TCF20: variants seen among roughly 807,000 people sequenced by gnomAD.
TCF20 encodes transcription factor 20.
In TCF20, 3 loss-of-function variants were observed where a neutral mutation model predicts 148.6. The observed-to-expected ratio is 0.02, with a 90% CI of 0.01 to 0.05. The LOEUF (loss-of-function observed/expected upper bound fraction) is 0.05. TCF20 is among the 10% of genes least tolerant of loss of function. TCF20 has a pLI of 1.00. For missense variants in TCF20, 2,350 were observed against 2,429.3 expected (o/e 0.97, Z 0.69); for synonymous variants, 1,049 against 909.5 (o/e 1.15, Z -2.76).
Position 42,297,960 on chromosome 22 carries a change from G to A in TCF20, c.-37+45519C>T, listed in dbSNP as rs896478157. The stretch of plus-strand genomic sequence containing the variant: ...TGGGCCTGGGGGTGCAAAGGTGACC[G>A]CTCAGCCCAGCTGCTCACATCTGTA... On this transcript the variant is annotated intron_variant, in intron 1 of 1. Coordinates refer to the TCF20 transcript ENST00000515426. The surrounding 1 kb of genome is among the most constrained non-coding windows in gnomAD (Gnocchi z 4.3). Among the ~76,000 whole-genome samples the A allele has an allele frequency of 2.0e-5, 3 of 152,186 alleles. No homozygotes were observed. The highest frequency in any genetic ancestry group is 1.9e-4 in the East Asian group (1 of 5,190).
chr22:42,202,041 C>T (rs1004219174), intron 2 of TCF20, among the ~76,000 whole-genome samples: 1 of 152,116 alleles, frequency 6.6e-6, no homozygotes, highest in Non-Finnish European at 1.5e-5. Flanking sequence ...CCCTTCCCCC[C>T]GCAGCAAACT....
rs745974078 is a variant in TCF20, at chr22:42,213,626, C to T, written c.1680G>A (p.Pro560=). The part of the protein sequence containing the change: ...GGASEKAGSS[P]AQGAQNEPPR... ...GGGGTTCATTCTGAGCACCTTGTGC[C>T]GGTGAGGAGCCAGCTTTCTCAGAGG... The change falls in exon 2 of 6, where the codon CCG becomes CCA. Residue 560 remains proline, a synonymous_variant. Coordinates refer to ENST00000677622, the MANE Select transcript of TCF20 (RefSeq NM_001378418.1). The T allele has an allele frequency of 1.9e-5, 30 of 1,613,940 alleles. No individual in the cohort carries two copies. Among genetic ancestry groups the T allele is most frequent in the South Asian group, 9.9e-5 (9 of 91,088 alleles).
intron 1 of TCF20, among the ~76,000 whole-genome samples, chr22:42,248,249 T>C (rs898954232): frequency 6.6e-6 from 1 of 152,218 alleles, no homozygotes; most frequent in African/African-American, 2.4e-5. Flanking sequence ...CCACATGGTG[T>C]ACATTTTTAC....
intron 1 of TCF20, among the ~76,000 whole-genome samples, chr22:42,307,118 T>C (rs1927449549): frequency 6.9e-6 from 1 of 145,836 alleles, no homozygotes. Flanking sequence ...CTGGTGGCAA[T>C]GGTGGGCTCT....
At chr22:42,266,977 A>C (rs940946419) in intron 1 of TCF20, among the ~76,000 whole-genome samples, 2 of 150,746 alleles carry the variant, frequency 1.3e-5, no homozygotes, top group Non-Finnish European at 2.9e-5. Flanking sequence ...ATAACTGCTT[A>C]CAATTTAATA....
chr22:42,161,445 CT>C (rs1935454511), intron 5 of TCF20, 87 bp from the exon 6 acceptor site: 2 of 1,588,816 alleles, frequency 1.3e-6, no homozygotes, highest in East Asian at 4.5e-5. Context: ...CCCCTGGGAG[CT>C]TTCAGCAGGG....
At chr22:42,259,954 T>A (rs760419269) in intron 1 of TCF20, among the ~76,000 whole-genome samples, 99 of 152,154 alleles carry the variant, frequency 6.5e-4, no homozygotes, top group Non-Finnish European at 1.2e-3. Context: ...CTCTATTTTT[T>A]AAAAATAAAT....
At chr22:42,248,264 T>C (rs1346196090) in intron 1 of TCF20, among the ~76,000 whole-genome samples, 7 of 152,206 alleles carry the variant, frequency 4.6e-5, no homozygotes, top group Non-Finnish European at 8.8e-5. Context: ...TTTTACAAAG[T>C]ATACATTTTA....
At chr22:42,217,374 T>TA (rs1046027290) in intron 1 of TCF20, among the ~76,000 whole-genome samples, 10 of 152,284 alleles carry the variant, frequency 6.6e-5, no homozygotes, top group African/African-American at 2.2e-4. Context: ...GTCATTCTAG[T>TA]AAAAACAGCC....
intron 3 of TCF20, among the ~76,000 whole-genome samples, chr22:42,177,407 C>T (rs1936516109): frequency 6.6e-6 from 1 of 152,130 alleles, no homozygotes. Context: ...AAGAGCGAAA[C>T]TTCGTCTCAA....
At chr22:42,189,902 G>C (rs888597453) in intron 2 of TCF20, among the ~76,000 whole-genome samples, 4 of 152,226 alleles carry the variant, frequency 2.6e-5, no homozygotes, top group African/African-American at 9.6e-5. Flanking sequence ...CAAGAAATAA[G>C]GAAAAGAGAG....
intron 3 of TCF20, among the ~76,000 whole-genome samples, chr22:42,171,885 C>T (rs1322585670): frequency 1.3e-5 from 2 of 152,196 alleles, no homozygotes; most frequent in Non-Finnish European, 2.9e-5. Flanking sequence ...ACACGAGCAG[C>T]AAAGGGTGCC....
At chr22:42,321,087 G>A (rs375432650) in intron 1 of TCF20, among the ~76,000 whole-genome samples, 226 of 152,366 alleles carry the variant, frequency 1.5e-3, no homozygotes, top group African/African-American at 5.1e-3. Flanking sequence ...CCAAGCAACT[G>A]TAAAAGCCGC....
intron 1 of TCF20, among the ~76,000 whole-genome samples, chr22:42,328,668 G>A (rs1322623667): frequency 2.0e-5 from 3 of 152,252 alleles, no homozygotes; most frequent in Non-Finnish European, 4.4e-5. Context: ...CTGGTCACAG[G>A]GTTGTGGGTA....
chr22:42,164,215 T>C (rs866357432), intron 5 of TCF20, among the ~76,000 whole-genome samples: 61 of 23,026 alleles, frequency 2.6e-3, no homozygotes, highest in Admixed American at 0.014. Context: ...TTTCTTTCTT[T>C]TTTTTTTTTT....
intron 1 of TCF20, among the ~76,000 whole-genome samples, chr22:42,226,090 C>T (rs1922867268): frequency 6.6e-6 from 1 of 152,194 alleles, no homozygotes; most frequent in African/African-American, 2.4e-5. Context: ...CCCACCCCCA[C>T]TCCATGGCTA....
At chr22:42,219,040 A>G (rs541943657) in intron 1 of TCF20, among the ~76,000 whole-genome samples, 286 of 152,258 alleles carry the variant, frequency 1.9e-3, no homozygotes, top group Non-Finnish European at 2.3e-3. Flanking sequence ...ACCAATTAAG[A>G]AAACCAACTA....
chr22:42,278,763 C>T (rs191680099), intron 1 of TCF20: 3 of 152,428 alleles, frequency 2.0e-5, no homozygotes, highest in Admixed American at 1.3e-4. Context: ...AACATCCTCA[C>T]AACACTGTGA....
intron 1 of TCF20, among the ~76,000 whole-genome samples, chr22:42,293,605 T>G (rs959169004): frequency 7.9e-5 from 12 of 151,812 alleles, no homozygotes; most frequent in Admixed American, 7.2e-4. Context: ...AAGGGGAGGG[T>G]AGGGAGGAGG....
Sources: gnomAD v4.1 joint callset for allele counts (sites outside exome capture counted in the v4.1 genomes callset) on GRCh38, gnomAD v4.1.1 for gene constraint, Gnocchi (gnomAD v3.1) non-coding constraint, MANE v1.5 for transcripts, NCBI Gene and HGNC (gene_info 2026-07-23, HGNC 2026-07-21) for gene names.